Variants in CACNA2D3 observed in about 807,000 individuals in gnomAD.
The protein encoded by CACNA2D3 is calcium voltage-gated channel auxiliary subunit alpha2delta 3.
Under a neutral mutation model 160.6 loss-of-function variants are expected in CACNA2D3, and 60 were observed. That is an observed-to-expected ratio of 0.37 (90% CI 0.30 to 0.46). The LOEUF is 0.46. Ranked by LOEUF, CACNA2D3 falls within the 20% of genes least tolerant of loss-of-function variation. The pLI, the probability that CACNA2D3 is intolerant of heterozygous loss-of-function variation, is 1.00. For synonymous variants in CACNA2D3, 558 were observed against 492.9 expected (o/e 1.13, Z -1.75); for missense variants, 1,205 against 1,365.0 (o/e 0.88, Z 1.85).
At chr3:54,136,341 G>C (rs910537503) in intron 2 of CACNA2D3, among the ~76,000 whole-genome samples, 7 of 152,222 alleles carry the variant, frequency 4.6e-5, no homozygotes, top group African/African-American at 1.7e-4. Context: ...CTTTTCCTCA[G>C]TTGAGGTTCA....
intron 3 of CACNA2D3, among the ~76,000 whole-genome samples, chr3:54,376,519 A>G (rs1699014938): frequency 6.6e-6 from 1 of 152,170 alleles, no homozygotes; most frequent in South Asian, 2.1e-4. Context: ...AGCTTGGCAC[A>G]TAGGTCAGGC....
intron 27 of CACNA2D3, among the ~76,000 whole-genome samples, chr3:54,943,808 G>A (rs937008075): frequency 6.6e-6 from 1 of 152,064 alleles, no homozygotes; most frequent in African/African-American, 2.4e-5. Flanking sequence ...GGGCATGCAG[G>A]CACCTAAGAC....
intron 2 of CACNA2D3, among the ~76,000 whole-genome samples, chr3:54,291,364 T>G (rs1575374412): frequency 6.6e-6 from 1 of 152,350 alleles, no homozygotes; most frequent in East Asian, 1.9e-4. Context: ...AAATATTGTC[T>G]AAATTTTGTC....
intron 12 of CACNA2D3, among the ~76,000 whole-genome samples, chr3:54,763,422 C>T (rs78155340): frequency 0.031 from 4,788 of 152,014 alleles, 233 homozygotes; most frequent in African/African-American, 0.11. Flanking sequence ...AATTTTATGG[C>T]ACCTAGCACT....
intron 26 of CACNA2D3, among the ~76,000 whole-genome samples, chr3:54,899,141 A>C (rs1230511772): frequency 6.6e-6 from 1 of 152,246 alleles, no homozygotes; most frequent in Non-Finnish European, 1.5e-5. Context: ...AACTCCAGGC[A>C]TTCAGAATTT....
At chr3:54,804,029 C>G (rs1484522867) in intron 13 of CACNA2D3, among the ~76,000 whole-genome samples, 1 of 151,962 alleles carries the variant, frequency 6.6e-6, no homozygotes, top group Non-Finnish European at 1.5e-5. Flanking sequence ...ACCACCAGGC[C>G]TGCCCTAAAA....
chr3:54,569,241 A>AT (rs1211935187), intron 6 of CACNA2D3, among the ~76,000 whole-genome samples: 1 of 152,204 alleles, frequency 6.6e-6, no homozygotes, highest in African/African-American at 2.4e-5. Flanking sequence ...TATGCAGCAT[A>AT]ATGAGAGCCA....
chr3:54,965,206 G>T (rs778063046), intron 27 of CACNA2D3, among the ~76,000 whole-genome samples: 37 of 151,288 alleles, frequency 2.4e-4, no homozygotes, highest in Non-Finnish European at 4.4e-4. Flanking sequence ...TTTACAAAAA[G>T]AGGCTGGATT....
chr3:54,443,470 CT>C (rs1260992160), intron 4 of CACNA2D3, among the ~76,000 whole-genome samples: 4 of 152,174 alleles, frequency 2.6e-5, no homozygotes, highest in Admixed American at 2.0e-4. Context: ...TGTAAAATTG[CT>C]CCTTGTCCAT....
At chr3:54,370,062 A>G in intron 3 of CACNA2D3, among the ~76,000 whole-genome samples, 1 of 152,236 alleles carries the variant, frequency 6.6e-6, no homozygotes, top group East Asian at 1.9e-4. Flanking sequence ...GCAATGGGAA[A>G]ATCATTTTTG....
At chr3:54,360,204 A>G (rs1271143925) in intron 3 of CACNA2D3, among the ~76,000 whole-genome samples, 2 of 152,158 alleles carry the variant, frequency 1.3e-5, no homozygotes, top group African/African-American at 2.4e-5. Context: ...AATATTTACC[A>G]TTTGGCTTTT....
chr3:55,051,177 G>A (rs568014735), intron 35 of CACNA2D3, among the ~76,000 whole-genome samples: 1 of 152,288 alleles, frequency 6.6e-6, no homozygotes, highest in South Asian at 2.1e-4. Flanking sequence ...GAGGAGAGGT[G>A]CTCTGCTTTT....
intron 27 of CACNA2D3, among the ~76,000 whole-genome samples, chr3:54,942,289 A>G (rs1016786778): frequency 6.6e-6 from 1 of 152,188 alleles, no homozygotes; most frequent in Non-Finnish European, 1.5e-5. Flanking sequence ...GCAGTCAGTC[A>G]AAGCTCAAAG....
chr3:54,639,989 C>G (rs1699478762), intron 10 of CACNA2D3: 1 of 153,078 alleles, frequency 6.5e-6, no homozygotes, highest in African/African-American at 2.4e-5. Context: ...CTTTTTGAGC[C>G]AGGATGAGCC....
chr3:54,729,341 C>T (rs1701339935), intron 11 of CACNA2D3, among the ~76,000 whole-genome samples: 1 of 152,090 alleles, frequency 6.6e-6, no homozygotes, highest in South Asian at 2.1e-4. Context: ...CCCTCATTGC[C>T]CTTTTTCTTT....
Position 54,901,258 on chromosome 3 carries a change from C to CTTTTTAAAATTCTT in CACNA2D3, c.2449+1391_2449+1392insTTTTAAAATTCTTT. The CTTTTTAAAATTCTT allele has an allele frequency of 1.3e-5, 2 of 152,346 alleles. 1 individual carries two copies. Among genetic ancestry groups the CTTTTTAAAATTCTT allele is most frequent in the East Asian group, 3.9e-4 (2 of 5,182 alleles). 9.4% of individuals were successfully genotyped at this position (152,346 alleles called of 1,614,324 possible). A position where few individuals can be genotyped will look rare whatever the true frequency, so the allele number is the denominator to read the frequency against. ...CAGTGACATGGTCTGGCCAGAATAT[C>CTTTTTAAAATTCTT]TGGTTGTCTGTTTGAAATTTCTTTT... is the stretch of plus-strand genomic sequence containing the variant. On this transcript the variant is annotated intron_variant, in intron 27 of 37. Transcript: ENST00000474759.
intron 11 of CACNA2D3, among the ~76,000 whole-genome samples, chr3:54,665,570 T>G (rs1408759553): frequency 1.3e-5 from 2 of 152,048 alleles, no homozygotes; most frequent in African/African-American, 4.8e-5. Flanking sequence ...TGACCACATG[T>G]ACAGTAACTG....
At chr3:54,765,824 G>T (rs1702214135) in intron 13 of CACNA2D3, among the ~76,000 whole-genome samples, 1 of 152,172 alleles carries the variant, frequency 6.6e-6, no homozygotes, top group Non-Finnish European at 1.5e-5. Context: ...TACATATGGG[G>T]ATTTAGTATA....
At chr3:54,566,741 A>G (rs1020904393) in intron 6 of CACNA2D3, among the ~76,000 whole-genome samples, 2 of 152,164 alleles carry the variant, frequency 1.3e-5, no homozygotes, top group African/African-American at 4.8e-5. Context: ...GTTCCTGTAG[A>G]AGGCTTGGTA....
Sources: allele counts gnomAD v4.1 joint callset (sites outside exome capture counted in the v4.1 genomes callset), GRCh38; gene constraint gnomAD v4.1.1; transcripts MANE v1.5; gene names NCBI Gene and HGNC (gene_info 2026-07-23, HGNC 2026-07-21).